PDGFD: variants seen among roughly 807,000 people sequenced by gnomAD.
PDGFD encodes platelet-derived growth factor D.
In PDGFD, 30 loss-of-function variants were observed where a neutral mutation model predicts 44.7. That is an observed-to-expected ratio of 0.67 (90% confidence interval 0.50 to 0.91). PDGFD has a LOEUF of 0.91. Ranked by LOEUF, PDGFD falls within the 40% of genes least tolerant of loss-of-function variation. The probability of loss-of-function intolerance (pLI) is 0.00; values close to 1 mark genes in which losing one functional copy is unlikely to be tolerated. For missense variants in PDGFD, 445 were observed against 457.8 expected (o/e 0.97, Z 0.25); for synonymous variants, 173 against 168.4 (o/e 1.03, Z -0.21).
intron 5 of PDGFD, among the ~76,000 whole-genome samples, chr11:103,938,196 C>T (rs947326533): frequency 3.9e-5 from 6 of 152,070 alleles, no homozygotes; most frequent in African/African-American, 1.4e-4. Flanking sequence ...CCTATTTCTC[C>T]ACATTCTCTC....
chr11:103,909,393 C>CAAAAA lies in PDGFD; in HGVS notation c.*296_*300dup, dbSNP rs60621493. 66 of 210,972 alleles carry CAAAAA rather than the reference C, an allele frequency of 3.1e-4. No individual in the cohort carries two copies. Among genetic ancestry groups the CAAAAA allele is most frequent in the Middle Eastern group, 3.4e-3 (2 of 596 alleles). 13.1% of individuals were successfully genotyped at this position (210,972 alleles called of 1,614,324 possible). On this transcript the variant is annotated 3_prime_UTR_variant, in exon 7 of 7. Transcript: ENST00000393158. ...CTCTGGTGTACCTGGTTATATATACCAAAAAAAACATTTGATCTATATACA... is the reference window on the plus strand; with the variant it reads ...CTCTGGTGTACCTGGTTATATATACCAAAAAAAAAAAAACATTTGATCTATATACA...
At chr11:104,053,313 T>C (rs1860570955) in intron 1 of PDGFD, among the ~76,000 whole-genome samples, 1 of 152,192 alleles carries the variant, frequency 6.6e-6, no homozygotes, top group Non-Finnish European at 1.5e-5. Flanking sequence ...GTGTTTTAGA[T>C]AGTTGGGCAA....
intron 1 of PDGFD, among the ~76,000 whole-genome samples, chr11:104,123,352 A>G (rs1861804212): frequency 6.6e-6 from 1 of 151,992 alleles, no homozygotes; most frequent in East Asian, 1.9e-4. Context: ...AATACATTCT[A>G]TTTCCTGGTT....
intron 3 of PDGFD, among the ~76,000 whole-genome samples, chr11:103,973,764 A>G (rs1284195385): frequency 6.6e-6 from 1 of 152,174 alleles, no homozygotes; most frequent in Non-Finnish European, 1.5e-5. Flanking sequence ...GCCTATGAAC[A>G]TGCCCCACAT....
At chr11:104,121,376 A>T (rs1420435240) in intron 1 of PDGFD, among the ~76,000 whole-genome samples, 1 of 151,998 alleles carries the variant, frequency 6.6e-6, no homozygotes, top group Non-Finnish European at 1.5e-5. Flanking sequence ...GCTCAGAAAA[A>T]AAGAAGTGTA....
chr11:103,937,481 T>C (rs1303766351), intron 5 of PDGFD, among the ~76,000 whole-genome samples: 1 of 152,214 alleles, frequency 6.6e-6, no homozygotes, highest in East Asian at 1.9e-4. Context: ...AATTTTATGC[T>C]ATGAACTTGA....
intron 5 of PDGFD, among the ~76,000 whole-genome samples, chr11:103,938,942 GT>G (rs1858537101): frequency 6.6e-6 from 1 of 152,300 alleles, no homozygotes; most frequent in South Asian, 2.1e-4. Flanking sequence ...GTACCATGTT[GT>G]TTTGGTTACT....
intron 1 of PDGFD, among the ~76,000 whole-genome samples, chr11:104,009,840 G>T (rs1363670141): frequency 2.0e-5 from 3 of 152,120 alleles, no homozygotes. Context: ...AGCTTTTTCA[G>T]CTTTTTCCCC....
chr11:103,927,261 T>G, intron 5 of PDGFD, 135 bp from the exon 6 acceptor site: 2 of 730,806 alleles, frequency 2.7e-6, no homozygotes, highest in Non-Finnish European at 2.2e-6. Context: ...CCTCAGGCTC[T>G]CAATTACTGG....
At chr11:104,016,481 C>T (rs909206894) in intron 1 of PDGFD, among the ~76,000 whole-genome samples, 25 of 152,234 alleles carry the variant, frequency 1.6e-4, no homozygotes, top group African/African-American at 6.0e-4. Flanking sequence ...CTATGCCAGT[C>T]ATGGCAAGGG....
chr11:103,984,369 T>C (rs1859320905), intron 3 of PDGFD, among the ~76,000 whole-genome samples: 1 of 151,296 alleles, frequency 6.6e-6, no homozygotes, highest in Non-Finnish European at 1.5e-5. Flanking sequence ...TGAGAATACA[T>C]GGACACATAC....
chr11:104,025,189 A>G (rs1294691540), intron 1 of PDGFD, among the ~76,000 whole-genome samples: 1 of 152,256 alleles, frequency 6.6e-6, no homozygotes, highest in Non-Finnish European at 1.5e-5. Flanking sequence ...TTTGAGATCT[A>G]TTGACAGGCA....
chr11:103,984,976 A>C (rs1249434367), intron 3 of PDGFD, among the ~76,000 whole-genome samples: 2 of 119,916 alleles, frequency 1.7e-5, no homozygotes, highest in African/African-American at 6.4e-5. Context: ...TATTTATTTA[A>C]TATATAACAT....
At chr11:104,090,990 C>T (rs955464911) in intron 1 of PDGFD, among the ~76,000 whole-genome samples, 1 of 152,068 alleles carries the variant, frequency 6.6e-6, no homozygotes, top group Non-Finnish European at 1.5e-5. Context: ...TCAAAAGCCC[C>T]CCCATGCAAA....
At chr11:104,041,248 G>A (rs116732237) in intron 1 of PDGFD, among the ~76,000 whole-genome samples, 1,933 of 152,138 alleles carry the variant, frequency 0.013, 34 homozygotes, top group African/African-American at 0.044. Context: ...CCTTGTGGGG[G>A]TAGAAGACAG....
chr11:104,121,487 C>CT (rs1400830008), intron 1 of PDGFD, among the ~76,000 whole-genome samples: 1 of 152,102 alleles, frequency 6.6e-6, no homozygotes, highest in Non-Finnish European at 1.5e-5. Flanking sequence ...GAAAAATCAG[C>CT]TTTTTCTTTC....
intron 1 of PDGFD, among the ~76,000 whole-genome samples, chr11:104,089,522 G>A (rs1046941901): frequency 6.6e-6 from 1 of 152,002 alleles, no homozygotes; most frequent in African/African-American, 2.4e-5. Context: ...TTAATTGTAA[G>A]AATAAAATAA....
At chr11:104,136,142 A>G (rs747559494) in intron 1 of PDGFD, among the ~76,000 whole-genome samples, 1 of 152,182 alleles carries the variant, frequency 6.6e-6, no homozygotes, top group Non-Finnish European at 1.5e-5. Flanking sequence ...AAAGGAGGCC[A>G]TTGGGCACCA....
intron 3 of PDGFD, among the ~76,000 whole-genome samples, chr11:103,948,544 C>T (rs371688499): frequency 1.3e-5 from 2 of 152,204 alleles, no homozygotes; most frequent in South Asian, 2.1e-4. Flanking sequence ...CTAATTCTGT[C>T]ATTTTTACAA....
Sources: gnomAD v4.1 joint callset for allele counts (sites outside exome capture counted in the v4.1 genomes callset) on GRCh38, gnomAD v4.1.1 for gene constraint, MANE v1.5 for transcripts, NCBI Gene and HGNC (gene_info 2026-07-23, HGNC 2026-07-21) for gene names.